Variants in KDM4C observed in about 807,000 individuals in gnomAD.
KDM4C encodes the protein lysine demethylase 4C.
A neutral mutation model predicts 129.3 loss-of-function variants in KDM4C; 81 were observed. The observed-to-expected ratio is 0.63, with a 90% CI of 0.52 to 0.75. The LOEUF (loss-of-function observed/expected upper bound fraction) is 0.75. Among genes scored for constraint, KDM4C ranks in the 30% least tolerant of loss-of-function variants. The probability of loss-of-function intolerance (pLI) is 0.00; values close to 1 mark genes in which losing one functional copy is unlikely to be tolerated. For synonymous variants in KDM4C, 573 were observed against 456.1 expected (o/e 1.26, Z -3.26); for missense variants, 1,457 against 1,304.0 (o/e 1.12, Z -1.81).
intron 4 of KDM4C, chr9:6,834,994 G>C (rs1835612425): frequency 2.1e-6 from 2 of 967,716 alleles, no homozygotes; most frequent in South Asian, 1.3e-5. Context: ...ATCTGGACCT[G>C]GCTGGCCGGG....
intron 8 of KDM4C, among the ~76,000 whole-genome samples, chr9:6,927,247 A>G: frequency 6.6e-6 from 1 of 152,098 alleles, no homozygotes; most frequent in East Asian, 1.9e-4. Flanking sequence ...CTTATGCCTC[A>G]GCCTCCTGAG....
chr9:6,808,627 CTCCACTATTGTCCCAT>C (rs1830573426), intron 3 of KDM4C, among the ~76,000 whole-genome samples: 1 of 147,084 alleles, frequency 6.8e-6, no homozygotes, highest in Non-Finnish European at 1.5e-5. Context: ...CTGACCTTCC[CTCCACTATTGTCCCAT>C]GACCCTGCCA....
At chr9:6,747,545 A>G (rs1437332901) in intron 1 of KDM4C, among the ~76,000 whole-genome samples, 2 of 151,488 alleles carry the variant, frequency 1.3e-5, no homozygotes, top group African/African-American at 2.4e-5. Flanking sequence ...GATTCAAAAA[A>G]AAAAAAAAAA....
At chr9:7,039,153 T>G (rs968970286) in intron 15 of KDM4C, among the ~76,000 whole-genome samples, 2 of 151,978 alleles carry the variant, frequency 1.3e-5, no homozygotes, top group African/African-American at 4.8e-5. Flanking sequence ...GTCTGTTCTG[T>G]TTTTAAGTTT....
chr9:7,170,732 G>C lies in KDM4C; in HGVS notation c.2994+842G>C, dbSNP rs1414215281. The C allele has an allele frequency of 5.1e-6, 5 of 981,658 alleles. No individual in the cohort carries two copies. The African/African-American group carries it at 7.0e-5, about 14-fold the overall frequency. The allele number at this position is 981,658 out of a possible 1,614,324, so 60.8% of individuals were successfully genotyped here. A position where few individuals can be genotyped will look rare whatever the true frequency, so the allele number is the denominator to read the frequency against. On this transcript the variant is annotated intron_variant, in intron 21 of 21. Coordinates refer to ENST00000381309, the MANE Select transcript of KDM4C (RefSeq NM_015061.6). ...TTTTTTTTCTGAATAATTCAGTTTA[G>C]TGAGTGCTTATGATATACTTGTCTG...
chr9:6,805,234 C>G (rs1457122941), intron 2 of KDM4C, among the ~76,000 whole-genome samples: 1 of 152,154 alleles, frequency 6.6e-6, no homozygotes, highest in Non-Finnish European at 1.5e-5. Flanking sequence ...AACATAATCG[C>G]TCAGTGTGAA....
At chr9:6,975,264 C>A (rs1354279540) in intron 8 of KDM4C, among the ~76,000 whole-genome samples, 1 of 152,206 alleles carries the variant, frequency 6.6e-6, no homozygotes, top group Non-Finnish European at 1.5e-5. Context: ...TAAACTCTAT[C>A]AACACAGCAT....
At chr9:6,960,539 A>G (rs1829861353) in intron 8 of KDM4C, among the ~76,000 whole-genome samples, 1 of 152,158 alleles carries the variant, frequency 6.6e-6, no homozygotes, top group Non-Finnish European at 1.5e-5. Context: ...AATTACAGGC[A>G]TGAGTCACTG....
chr9:6,738,822 C>T (rs1382076642), intron 1 of KDM4C, among the ~76,000 whole-genome samples: 1 of 151,542 alleles, frequency 6.6e-6, no homozygotes, highest in East Asian at 1.9e-4. Flanking sequence ...TGGTCTTGAA[C>T]TCCTGACCTC....
At chr9:6,891,136 G>C (rs943810186) in intron 7 of KDM4C, among the ~76,000 whole-genome samples, 11 of 152,206 alleles carry the variant, frequency 7.2e-5, no homozygotes, top group African/African-American at 2.4e-4. Flanking sequence ...GGTGGGAGTA[G>C]GGGATGGGCA....
chr9:6,748,536 A>G (rs1264142795), intron 1 of KDM4C, among the ~76,000 whole-genome samples: 1 of 151,776 alleles, frequency 6.6e-6, no homozygotes, highest in Non-Finnish European at 1.5e-5. Context: ...ATTTATTATT[A>G]TTATTAGTAT....
At chr9:6,845,907 C>T (rs922406855) in intron 4 of KDM4C, among the ~76,000 whole-genome samples, 2 of 152,168 alleles carry the variant, frequency 1.3e-5, no homozygotes, top group African/African-American at 2.4e-5. Context: ...TCTGCTGAAA[C>T]CTGATGGAAT....
At chr9:6,965,921 A>G (rs1476168667) in intron 8 of KDM4C, among the ~76,000 whole-genome samples, 1 of 152,232 alleles carries the variant, frequency 6.6e-6, no homozygotes, top group Non-Finnish European at 1.5e-5. Context: ...GACACATAAA[A>G]TTAACCATCA....
At chr9:6,802,214 A>T (rs957723824) in intron 2 of KDM4C, among the ~76,000 whole-genome samples, 3 of 152,314 alleles carry the variant, frequency 2.0e-5, no homozygotes, top group Non-Finnish European at 2.9e-5. Flanking sequence ...GTACCATTGT[A>T]CACTTAACAG....
chr9:6,863,193 T>A (rs1343316421), intron 5 of KDM4C, among the ~76,000 whole-genome samples: 1 of 151,992 alleles, frequency 6.6e-6, no homozygotes, highest in Non-Finnish European at 1.5e-5. Flanking sequence ...TTTTGATTTT[T>A]TGTTTTCTTA....
chr9:6,972,427 A>G (rs1054939940), intron 8 of KDM4C, among the ~76,000 whole-genome samples: 1 of 152,202 alleles, frequency 6.6e-6, no homozygotes, highest in African/African-American at 2.4e-5. Flanking sequence ...AAGGAGTATT[A>G]GAAAATTTTT....
intron 20 of KDM4C, among the ~76,000 whole-genome samples, chr9:7,167,777 C>G (rs1446474950): frequency 6.6e-6 from 1 of 152,224 alleles, no homozygotes; most frequent in Non-Finnish European, 1.5e-5. Flanking sequence ...CTCAGCAAAG[C>G]TAGACCAATG....
chr9:6,963,760 C>G (rs1037419228), intron 8 of KDM4C, among the ~76,000 whole-genome samples: 1 of 152,222 alleles, frequency 6.6e-6, no homozygotes. Flanking sequence ...TTTCCTGCCT[C>G]TCAGTCTTCT....
chr9:7,016,333 T>C (rs2132195420), intron 15 of KDM4C, among the ~76,000 whole-genome samples: 1 of 151,616 alleles, frequency 6.6e-6, no homozygotes, highest in South Asian at 2.1e-4. Flanking sequence ...TTCAACGTGT[T>C]AACCAGGATG....
Sources: allele counts gnomAD v4.1 joint callset (sites outside exome capture counted in the v4.1 genomes callset), GRCh38; gene constraint gnomAD v4.1.1; transcripts MANE v1.5; gene names NCBI Gene and HGNC (gene_info 2026-07-23, HGNC 2026-07-21).